The following ZNF732 variants were observed in gnomAD, a reference collection of about 807,000 sequenced individuals.
The protein encoded by ZNF732 is zinc finger protein 732, also known as zinc finger protein LOC654254.
A neutral mutation model predicts 11.5 loss-of-function variants in ZNF732; 12 were observed. The ratio of observed to expected loss-of-function variants is 1.05; its 90% CI spans 0.67 to 1.70. The LOEUF (loss-of-function observed/expected upper bound fraction) is 1.70. Ranked by LOEUF, ZNF732 falls within the 40% of genes most tolerant of loss-of-function variation. ZNF732 has a pLI of 0.00. For synonymous variants in ZNF732, 231 were observed against 236.5 expected (o/e 0.98, Z 0.21); for missense variants, 702 against 676.9 (o/e 1.04, Z -0.41).
intron 3 of ZNF732, among the ~76,000 whole-genome samples, chr4:290,124 A>C (rs1719813125): frequency 6.6e-6 from 1 of 152,234 alleles, no homozygotes. Flanking sequence ...CCACTTATAT[A>C]AGGTATTTTA....
Position 301,108 on chromosome 4 carries a change from G to A in ZNF732, c.3+4200C>T, listed in dbSNP as rs936892141. Among the ~76,000 whole-genome samples, 44 of 152,250 alleles carry A rather than the reference G, an allele frequency of 2.9e-4. 1 individual carries two copies. Among genetic ancestry groups the A allele is most frequent in the Non-Finnish European group, 5.3e-4 (36 of 68,016 alleles). On this transcript the variant is annotated intron_variant, in intron 1 of 3. Coordinates refer to ENST00000419098, the MANE Select transcript of ZNF732 (RefSeq NM_001137608.3). ...AGACATTTAGGTAGCCAAGAGACAC[G>A]TGAAAAAATGCTCATCATCACTGGC...
chr4:304,918 A>G (rs1553844170), intron 1 of ZNF732, among the ~76,000 whole-genome samples: 2 of 152,130 alleles, frequency 1.3e-5, no homozygotes, highest in Non-Finnish European at 2.9e-5. Context: ...ATTAGTCCCC[A>G]TTTGCTCACA....
intron 1 of ZNF732, among the ~76,000 whole-genome samples, chr4:298,223 T>G (rs924742799): frequency 1.5e-4 from 23 of 152,164 alleles, no homozygotes; most frequent in African/African-American, 5.1e-4. Flanking sequence ...CAAATGAAGC[T>G]TAAGTGTCCT....
At chr4:275,476 T>C (rs1319231766) in intron 3 of ZNF732, among the ~76,000 whole-genome samples, 1 of 151,734 alleles carries the variant, frequency 6.6e-6, no homozygotes, top group Non-Finnish European at 1.5e-5. Flanking sequence ...TCTCAGAGGC[T>C]TCACAGCTCC....
chr4:290,876 T>C (rs1295782842), intron 3 of ZNF732, among the ~76,000 whole-genome samples: 1 of 152,178 alleles, frequency 6.6e-6, no homozygotes, highest in African/African-American at 2.4e-5. Context: ...CTCATCAGCC[T>C]GGGGACCCAA....
At chr4:295,681 G>A in intron 2 of ZNF732, 148 bp from the exon 3 acceptor site, 9 of 757,226 alleles carry the variant, frequency 1.2e-5, no homozygotes, top group South Asian at 4.4e-5. Flanking sequence ...AAATATTTAA[G>A]TATTTTAAAT....
At chr4:287,880 G>A (rs562493007) in intron 3 of ZNF732, among the ~76,000 whole-genome samples, 55 of 152,014 alleles carry the variant, frequency 3.6e-4, no homozygotes, top group African/African-American at 1.3e-3. Flanking sequence ...TTTTTTTCAG[G>A]TGGTTGCATC....
chr4:271,760 T>C lies in ZNF732; in HGVS notation c.1097A>G (p.Gln366Arg), dbSNP rs1218970862. The stretch of plus-strand genomic sequence containing the variant: ...GGATTGTCTAAAGGCTTTGCCACAT[T>C]GTTCACATTTGTAGGGCTTCTCTCC... The part of the protein sequence containing the change: ...HTGEKPYKCE[Q>R]CGKAFRQSAT... Residue 366 changes from glutamine (Q) to arginine (R), a missense_variant, in exon 4 of 4, where the codon CAA becomes CGA. Gln to Arg is a conservative substitution (Grantham distance 43). Coordinates refer to ENST00000419098, the MANE Select transcript of ZNF732 (RefSeq NM_001137608.3). 5 of 1,612,216 alleles carry C rather than the reference T, an allele frequency of 3.1e-6. No individual in the cohort carries two copies. Among genetic ancestry groups the C allele is most frequent in the Non-Finnish European group, 4.2e-6 (5 of 1,178,966 alleles).
chr4:298,231 C>T (rs1306598065), intron 1 of ZNF732, among the ~76,000 whole-genome samples: 2 of 152,186 alleles, frequency 1.3e-5, no homozygotes, highest in Non-Finnish European at 2.9e-5. Context: ...GCTTAAGTGT[C>T]CTGTACAATT....
chr4:278,845 GT>G (rs2108653671), intron 3 of ZNF732, among the ~76,000 whole-genome samples: 1 of 152,226 alleles, frequency 6.6e-6, no homozygotes, highest in East Asian at 1.9e-4. Flanking sequence ...GCTGGTGAGT[GT>G]AGTGTCTGAC....
At chr4:288,448 A>G (rs1415235909) in intron 3 of ZNF732, among the ~76,000 whole-genome samples, 3 of 152,266 alleles carry the variant, frequency 2.0e-5, no homozygotes, top group East Asian at 1.9e-4. Context: ...TCCAACCTCA[A>G]TTTTTCCCAT....
intron 3 of ZNF732, among the ~76,000 whole-genome samples, chr4:282,765 T>A (rs1375584886): frequency 6.6e-6 from 1 of 150,756 alleles, no homozygotes; most frequent in African/African-American, 2.4e-5. Flanking sequence ...TATTTTATGG[T>A]CCCTTGGAAA....
chr4:297,494 T>C (rs1411897312), intron 1 of ZNF732, among the ~76,000 whole-genome samples: 1 of 151,816 alleles, frequency 6.6e-6, no homozygotes, highest in East Asian at 1.9e-4. Flanking sequence ...CTACAATTGA[T>C]TTGTTTTTTA....
intron 1 of ZNF732, among the ~76,000 whole-genome samples, chr4:304,962 T>C (rs1290556457): frequency 6.6e-6 from 1 of 152,304 alleles, no homozygotes; most frequent in East Asian, 1.9e-4. Context: ...CTCGATCTTA[T>C]TCCGAACAGG....
At chr4:297,245 C>T (rs1179198600) in intron 1 of ZNF732, among the ~76,000 whole-genome samples, 5 of 150,568 alleles carry the variant, frequency 3.3e-5, no homozygotes, top group Admixed American at 1.3e-4. Flanking sequence ...TCCGCCTGGG[C>T]GACAGCGAGA....
At chr4:299,553 G>GTA (rs1176018321) in intron 1 of ZNF732, among the ~76,000 whole-genome samples, 4 of 123,272 alleles carry the variant, frequency 3.2e-5, no homozygotes, top group East Asian at 4.5e-4. Context: ...ACATATATAT[G>GTA]TATATATATA....
intron 1 of ZNF732, among the ~76,000 whole-genome samples, chr4:302,901 G>T (rs193062252): frequency 1.2e-4 from 18 of 152,166 alleles, no homozygotes; most frequent in African/African-American, 4.3e-4. Flanking sequence ...TAATCACCTA[G>T]CCTTGTTTCC....
chr4:280,230 CTG>C (rs1553839529), intron 3 of ZNF732, among the ~76,000 whole-genome samples: 1 of 146,700 alleles, frequency 6.8e-6, no homozygotes, highest in Non-Finnish European at 1.5e-5. Context: ...CAGTTTTCAA[CTG>C]TGACTATGTA....
At position 302,498 on chromosome 4, in the gene ZNF732, G is replaced by T. The variant is rs145664841; in HGVS notation, c.3+2810C>A. Among the ~76,000 whole-genome samples the T allele has an allele frequency of 2.7e-4, 41 of 152,128 alleles. No individual in the cohort carries two copies. In the East Asian group the frequency reaches 7.4e-3, roughly 27 times the overall value. ...GAGAACTCATCTGGGTTTTCTAATT[G>T]GTAATATTTATAGAAAAAATAAACT... On this transcript the variant is annotated intron_variant, in intron 1 of 3. Coordinates refer to ENST00000419098, the MANE Select transcript of ZNF732 (RefSeq NM_001137608.3).
Sources: gnomAD v4.1 joint callset for allele counts (sites outside exome capture counted in the v4.1 genomes callset) on GRCh38, gnomAD v4.1.1 for gene constraint, MANE v1.5 for transcripts, NCBI Gene and HGNC (gene_info 2026-07-23, HGNC 2026-07-21) for gene names.